SCYL3: variants seen among roughly 807,000 people sequenced by gnomAD.
SCYL3 encodes protein-associating with the carboxyl-terminal domain of ezrin.
SCYL3 carries 35 observed loss-of-function variants against 73.8 expected under a neutral mutation model. That is an observed-to-expected ratio of 0.47 (90% confidence interval 0.36 to 0.63). The LOEUF is 0.63. Ranked by LOEUF, SCYL3 falls within the 20% of genes least tolerant of loss-of-function variation. The probability of loss-of-function intolerance (pLI) is 0.00; values close to 1 mark genes in which losing one functional copy is unlikely to be tolerated. For missense variants in SCYL3, 712 were observed against 798.9 expected (o/e 0.89, Z 1.31); for synonymous variants, 277 against 295.2 (o/e 0.94, Z 0.63).
chr1:169,882,696 A>G lies in SCYL3; in HGVS notation c.166-3877T>C, dbSNP rs533351037. 1.4e-4 allele frequency among the ~76,000 whole-genome samples: 21 copies of G among 152,192 alleles called. 1 individual carries two copies. In the South Asian group the frequency reaches 3.7e-3, roughly 27 times the overall value. ...CCAATCAGCGCCCTGTGTCTAGCTCAAGGTTTGTGAATGCACCAATCCACA... is the reference window on the plus strand; with the variant it reads ...CCAATCAGCGCCCTGTGTCTAGCTCGAGGTTTGTGAATGCACCAATCCACA... On this transcript the variant is annotated intron_variant, in intron 2 of 12. Transcript: ENST00000367771.
chr1:169,860,334 T>C (rs1659535115), intron 10 of SCYL3, among the ~76,000 whole-genome samples: 1 of 152,224 alleles, frequency 6.6e-6, no homozygotes. Flanking sequence ...CATGCAGATA[T>C]CAGGCAAGTA....
At chr1:169,893,289 C>A (rs1337046719) in intron 1 of SCYL3, among the ~76,000 whole-genome samples, 1 of 152,168 alleles carries the variant, frequency 6.6e-6, no homozygotes, top group Non-Finnish European at 1.5e-5. Flanking sequence ...GGGGGACGGG[C>A]ACTGGTCTTG....
chr1:169,882,439 G>GC (rs2102201276), intron 2 of SCYL3, among the ~76,000 whole-genome samples: 1 of 152,216 alleles, frequency 6.6e-6, no homozygotes, highest in South Asian at 2.1e-4. Context: ...GACCAGCGCC[G>GC]CCCCCTGCTC....
At chr1:169,855,647 A>ATAGTC in intron 11 of SCYL3, 1 of 672,118 alleles carries the variant, frequency 1.5e-6, no homozygotes, top group Non-Finnish European at 2.4e-6. Context: ...TATATATCCA[A>ATAGTC]TAGTCTGGAG....
chr1:169,852,093 T>A lies in SCYL3; in HGVS notation c.*1620A>T. ...AATTCTGTTTTATGGTAGTTGCTTT[T>A]AAAATTAAGAAGTGGGACTACACCA... On this transcript the variant is annotated 3_prime_UTR_variant, in exon 13 of 13. Coordinates refer to ENST00000367771, the MANE Select transcript of SCYL3 (RefSeq NM_020423.7). The A allele has an allele frequency of 1.0e-6, 1 of 978,046 alleles. No homozygotes were observed. Among genetic ancestry groups the A allele is most frequent in the African/African-American group, 1.6e-5 (1 of 61,528 alleles). 60.6% of individuals were successfully genotyped at this position (978,046 alleles called of 1,614,324 possible).
intron 3 of SCYL3, 30 bp downstream of exon 3, chr1:169,878,604 T>C: frequency 6.5e-7 from 1 of 1,539,458 alleles, no homozygotes; most frequent in Non-Finnish European, 8.8e-7. Context: ...TACATCAAAG[T>C]CTGTGATGCA....
Position 169,860,637 on chromosome 1 carries a change from AG to A in SCYL3, c.1141-1426del, listed in dbSNP as rs200764536. Among the ~76,000 whole-genome samples, 496 of 152,384 alleles carry A rather than the reference AG, an allele frequency of 3.3e-3. 6 individuals are homozygous for A. Among genetic ancestry groups the A allele is most frequent in the African/African-American group, 0.011 (456 of 41,590 alleles). On this transcript the variant is annotated intron_variant, in intron 10 of 12. Transcript: ENST00000367771. ...ATCACTTTCTGTACATGTAAACTAA[AG>A]CATGTTTCTTTTACATATGATTAGA...
chr1:169,865,556 A>G (rs1659979727), intron 8 of SCYL3, among the ~76,000 whole-genome samples: 3 of 152,116 alleles, frequency 2.0e-5, no homozygotes, highest in Non-Finnish European at 2.9e-5. Context: ...TTCTTCTGCT[A>G]GCTCCTTTCC....
intron 11 of SCYL3, among the ~76,000 whole-genome samples, 159 bp downstream of exon 11, chr1:169,858,882 C>T (rs1659408840): frequency 1.3e-5 from 2 of 151,310 alleles, no homozygotes; most frequent in Admixed American, 6.6e-5. Flanking sequence ...AAAGGATTCC[C>T]ACTGAAAATC....
intron 7 of SCYL3, among the ~76,000 whole-genome samples, chr1:169,868,666 A>AATC (rs1323236336): frequency 6.6e-6 from 1 of 152,228 alleles, no homozygotes; most frequent in Non-Finnish European, 1.5e-5. Flanking sequence ...AGCCCTAATA[A>AATC]ATCTGGCTAC....
chr1:169,882,347 C>T (rs35275808), intron 2 of SCYL3, among the ~76,000 whole-genome samples: 23,651 of 152,258 alleles, frequency 0.16, 1,945 homozygotes, highest in Middle Eastern at 0.21. Flanking sequence ...TGCCTTCCCA[C>T]GGGGCAGGGC....
chr1:169,858,499 A>T (rs1198997922), intron 11 of SCYL3, among the ~76,000 whole-genome samples: 1 of 152,244 alleles, frequency 6.6e-6, no homozygotes, highest in East Asian at 1.9e-4. Flanking sequence ...CTTTTTAATA[A>T]GCAGAAGGAA....
At chr1:169,870,191 C>G in intron 6 of SCYL3, 64 bp downstream of exon 6, 2 of 1,223,286 alleles carry the variant, frequency 1.6e-6, no homozygotes, top group Non-Finnish European at 2.4e-6. Flanking sequence ...GAATTCCACA[C>G]AGAATACGTC....
upstream of SCYL3, chr1:169,894,061 AGT>A (rs894152002): frequency 9.2e-5 from 14 of 152,076 alleles, no homozygotes; most frequent in Admixed American, 7.9e-4. Context: ...TGCCATCTTA[AGT>A]GTGGGCGCCG....
At chr1:169,892,623 A>T (rs892148038) in intron 1 of SCYL3, among the ~76,000 whole-genome samples, 1 of 152,220 alleles carries the variant, frequency 6.6e-6, no homozygotes, top group Non-Finnish European at 1.5e-5. Flanking sequence ...AGCACTTAGC[A>T]TCTCCACTCT....
intron 2 of SCYL3, among the ~76,000 whole-genome samples, chr1:169,886,603 T>C (rs565001658): frequency 5.3e-4 from 80 of 152,312 alleles, no homozygotes; most frequent in Non-Finnish European, 9.4e-4. Context: ...TTAATAAGCT[T>C]ACCACAAAGC....
intron 1 of SCYL3, among the ~76,000 whole-genome samples, chr1:169,890,106 T>C (rs1661972084): frequency 6.6e-6 from 1 of 152,232 alleles, no homozygotes; most frequent in South Asian, 2.1e-4. Flanking sequence ...TGGGACCTAC[T>C]GTGAGAGGCT....
intron 2 of SCYL3, among the ~76,000 whole-genome samples, chr1:169,879,986 G>C (rs1160131142): frequency 6.6e-6 from 1 of 151,920 alleles, no homozygotes; most frequent in Admixed American, 6.6e-5. Context: ...TGATCAGAGG[G>C]GCCAGGTTTG....
intron 4 of SCYL3, 77 bp downstream of exon 4, chr1:169,875,896 GAAGGA>G: frequency 1.3e-6 from 1 of 748,198 alleles, no homozygotes; most frequent in Non-Finnish European, 2.1e-6. Flanking sequence ...AGCTAACACT[GAAGGA>G]AAGTGCCTAG....
Sources: gnomAD v4.1 joint callset for allele counts (sites outside exome capture counted in the v4.1 genomes callset) on GRCh38, gnomAD v4.1.1 for gene constraint, MANE v1.5 for transcripts, NCBI Gene and HGNC (gene_info 2026-07-23, HGNC 2026-07-21) for gene names.